Variants in GBE1 observed in about 807,000 individuals in gnomAD.
GBE1 encodes the protein 1,4-alpha-glucan branching enzyme 1, also known as 1,4-alpha-glucan-branching enzyme.
GBE1 carries 70 observed loss-of-function variants against 88.8 expected under a neutral mutation model. The ratio of observed to expected loss-of-function variants is 0.79; its 90% CI spans 0.65 to 0.96. The LOEUF (loss-of-function observed/expected upper bound fraction) is 0.96. GBE1 is among the 40% of genes least tolerant of loss of function. GBE1 has a pLI of 0.00. For synonymous variants in GBE1, 284 were observed against 300.1 expected (o/e 0.95, Z 0.56); for missense variants, 872 against 871.0 (o/e 1.00, Z -0.01).
At chr3:81,546,107 A>G (rs748309617) in intron 12 of GBE1, among the ~76,000 whole-genome samples, 4 of 152,146 alleles carry the variant, frequency 2.6e-5, no homozygotes, top group African/African-American at 4.8e-5. Context: ...TGTAAAGGAA[A>G]AAAAACAGTG....
At chr3:81,612,219 T>TA in intron 7 of GBE1, 7 of 280,374 alleles carry the variant, frequency 2.5e-5, no homozygotes, top group Admixed American at 7.5e-5. Flanking sequence ...CCACGCTCCT[T>TA]TAAAAAAAAA....
At chr3:81,697,087 C>T (rs551226517) in intron 2 of GBE1, among the ~76,000 whole-genome samples, 5 of 152,248 alleles carry the variant, frequency 3.3e-5, no homozygotes, top group Admixed American at 6.5e-5. Flanking sequence ...GACTGCCCCC[C>T]ACACCAGTAA....
chr3:81,549,686 A>C (rs1703248379), intron 12 of GBE1, among the ~76,000 whole-genome samples: 1 of 151,568 alleles, frequency 6.6e-6, no homozygotes, highest in African/African-American at 2.4e-5. Context: ...CAACTTAAAA[A>C]ATAAAAGTCT....
chr3:81,722,479 T>C (rs1706047529), intron 1 of GBE1, among the ~76,000 whole-genome samples: 1 of 152,024 alleles, frequency 6.6e-6, no homozygotes, highest in South Asian at 2.1e-4. Context: ...AGACAAAATA[T>C]TAAGTAAATT....
At chr3:81,522,371 G>A (rs1165418763) in intron 14 of GBE1, among the ~76,000 whole-genome samples, 8 of 151,476 alleles carry the variant, frequency 5.3e-5, no homozygotes, top group Non-Finnish European at 4.4e-5. Context: ...TTATTTGTAA[G>A]AAATTTCTAG....
intron 15 of GBE1, among the ~76,000 whole-genome samples, chr3:81,497,495 G>A (rs1018305363): frequency 6.6e-6 from 1 of 152,170 alleles, no homozygotes; most frequent in Non-Finnish European, 1.5e-5. Flanking sequence ...TCATTTTACA[G>A]GTGGGGGAAA....
intron 9 of GBE1, among the ~76,000 whole-genome samples, chr3:81,588,329 T>A (rs563485525): frequency 6.6e-6 from 1 of 152,244 alleles, no homozygotes; most frequent in East Asian, 1.9e-4. Flanking sequence ...GCATTAAATA[T>A]CAGGCACCAT....
chr3:81,565,839 G>C (rs538104526), intron 12 of GBE1, among the ~76,000 whole-genome samples: 4 of 151,954 alleles, frequency 2.6e-5, no homozygotes, highest in Non-Finnish European at 5.9e-5. Flanking sequence ...AAAATACTTT[G>C]TTCTCTATTG....
At chr3:81,593,057 G>A (rs1703902517) in intron 8 of GBE1, among the ~76,000 whole-genome samples, 1 of 151,048 alleles carries the variant, frequency 6.6e-6, no homozygotes, top group African/African-American at 2.4e-5. Context: ...GTGAACATTT[G>A]GCCATTAAAA....
At chr3:81,613,605 C>T (rs1055764199) in intron 7 of GBE1, among the ~76,000 whole-genome samples, 3 of 152,076 alleles carry the variant, frequency 2.0e-5, no homozygotes, top group East Asian at 1.9e-4. Context: ...GAGTTTGAGA[C>T]GTTTCAGTGG....
At chr3:81,720,378 A>G (rs909160564) in intron 1 of GBE1, among the ~76,000 whole-genome samples, 4 of 150,630 alleles carry the variant, frequency 2.7e-5, no homozygotes, top group East Asian at 3.9e-4. Context: ...ATATATATAT[A>G]TATCTTATAT....
At chr3:81,657,549 A>T (rs1704959573) in intron 3 of GBE1, among the ~76,000 whole-genome samples, 2 of 152,268 alleles carry the variant, frequency 1.3e-5, no homozygotes, top group Non-Finnish European at 2.9e-5. Flanking sequence ...AACAGACCTT[A>T]ATATATAAAA....
intron 12 of GBE1, among the ~76,000 whole-genome samples, chr3:81,539,820 T>A (rs1703121144): frequency 6.6e-6 from 1 of 152,034 alleles, no homozygotes; most frequent in Admixed American, 6.6e-5. Context: ...AGTTCAATTT[T>A]AGGCCTGCTA....
chr3:81,547,139 G>A (rs889306968), intron 12 of GBE1, among the ~76,000 whole-genome samples: 25 of 151,422 alleles, frequency 1.7e-4, no homozygotes, highest in Non-Finnish European at 3.0e-4. Context: ...CGAGTGAAGA[G>A]TGGGATTGCA....
At chr3:81,731,885 C>T (rs1231604890) in intron 1 of GBE1, among the ~76,000 whole-genome samples, 1 of 152,100 alleles carries the variant, frequency 6.6e-6, no homozygotes, top group Admixed American at 6.6e-5. Flanking sequence ...TCAGGTATTT[C>T]TTTATAGTAG....
intron 14 of GBE1, among the ~76,000 whole-genome samples, chr3:81,528,895 G>A (rs1702981055): frequency 6.6e-6 from 1 of 152,006 alleles, no homozygotes; most frequent in Admixed American, 6.6e-5. Flanking sequence ...ATTGTAGGCA[G>A]TAGATATTTA....
intron 1 of GBE1, among the ~76,000 whole-genome samples, chr3:81,744,823 TTAA>T (rs1475637199): frequency 3.3e-5 from 5 of 152,232 alleles, no homozygotes; most frequent in African/African-American, 1.2e-4. Context: ...TTAATGAAGA[TTAA>T]TGTCTTAGCT....
intron 1 of GBE1, among the ~76,000 whole-genome samples, chr3:81,711,238 C>T (rs1293668521): frequency 6.6e-6 from 1 of 152,210 alleles, no homozygotes; most frequent in East Asian, 1.9e-4. Context: ...ACGAGGAAAA[C>T]TCCTTTCTTA....
chr3:81,560,642 GT>G (rs1275128052), intron 12 of GBE1, among the ~76,000 whole-genome samples: 1 of 151,858 alleles, frequency 6.6e-6, no homozygotes, highest in African/African-American at 2.4e-5. Context: ...TTTCAAAATG[GT>G]ATCTCTGAAT....
Sources: gnomAD v4.1 joint callset for allele counts (sites outside exome capture counted in the v4.1 genomes callset) on GRCh38, gnomAD v4.1.1 for gene constraint, MANE v1.5 for transcripts, NCBI Gene and HGNC (gene_info 2026-07-23, HGNC 2026-07-21) for gene names.